The following GET1 variants were observed in gnomAD, a reference collection of about 807,000 sequenced individuals.
GET1 encodes the protein congenital heart disease 5 protein.
A neutral mutation model predicts 22.6 loss-of-function variants in GET1; 20 were observed. The observed-to-expected ratio is 0.89, with a 90% CI of 0.62 to 1.29. The LOEUF is 1.29. Among genes scored for constraint, GET1 ranks in the 50% most tolerant of loss-of-function variants. The pLI is 0.00. For missense variants in GET1, 209 were observed against 219.9 expected (o/e 0.95, Z 0.31); for synonymous variants, 92 against 83.8 (o/e 1.10, Z -0.53).
chr21:39,391,633 T>A (rs1195176334), intron 2 of GET1, 136 bp from the exon 3 acceptor site: 1 of 853,244 alleles, frequency 1.2e-6, no homozygotes, highest in Non-Finnish European at 1.8e-6. Flanking sequence ...TATTTTATAT[T>A]TTCTAAATAT....
chr21:39,413,033 G>A lies in GET1; in HGVS notation c.*23+2096G>A, dbSNP rs141769089. 1.5e-4 allele frequency among the ~76,000 whole-genome samples: 23 copies of A among 152,292 alleles called. No homozygotes were observed. In the East Asian group the frequency reaches 4.2e-3, roughly 28 times the overall value. On this transcript the variant is annotated intron_variant, in intron 1 of 1. Transcript: ENST00000478273. ...GATCAGATGGAGGATGCATCTCAGAGCATTTGCATCAACAGTCAGCAGGGG... is the reference window on the plus strand; with the variant it reads ...GATCAGATGGAGGATGCATCTCAGAACATTTGCATCAACAGTCAGCAGGGG...
chr21:39,398,288 A>G (rs1055183239), downstream of GET1, among the ~76,000 whole-genome samples: 1 of 152,210 alleles, frequency 6.6e-6, no homozygotes, highest in African/African-American at 2.4e-5. Context: ...CCAAGGGGGC[A>G]CGTGCCTAAC....
chr21:39,413,255 G>A (rs1011191514), intron 1 of GET1, among the ~76,000 whole-genome samples: 2 of 152,152 alleles, frequency 1.3e-5, no homozygotes, highest in African/African-American at 2.4e-5. Context: ...GTACACATAT[G>A]TTTTCTCTCA....
chr21:39,398,085 G>C (rs968583246), downstream of GET1, among the ~76,000 whole-genome samples: 4 of 152,174 alleles, frequency 2.6e-5, no homozygotes, highest in Non-Finnish European at 4.4e-5. Context: ...CCAGCACCAA[G>C]TTTACTTAGC....
At position 39,390,699 on chromosome 21, in the gene GET1, T is replaced by C; in HGVS notation, c.104T>C (p.Met35Thr). The change falls in exon 2 of 5, where the codon ATG becomes ACG. Residue 35 changes from methionine (M) to threonine (T), a missense_variant and splice_region_variant. Met to Thr is a moderately conservative substitution (Grantham distance 81). Coordinates refer to ENST00000649170, the MANE Select transcript of GET1 (RefSeq NM_004627.6). ...RILLPSFSSFMSRVLQKDAEQ... is the reference protein window; with the variant it reads ...RILLPSFSSFTSRVLQKDAEQ... ...GATCCCCGTTGTCCGCCCTGCCAGA[T>C]GTCCAGGGTGCTGCAGAAGGACGCG... is the stretch of plus-strand genomic sequence containing the variant. 1 of 1,614,062 alleles carries C rather than the reference T, an allele frequency of 6.2e-7. No individual in the cohort carries two copies.
chr21:39,390,553 G>A lies in GET1; in HGVS notation c.103-145G>A, dbSNP rs149291727. 142 of 1,045,376 alleles carry A rather than the reference G, an allele frequency of 1.4e-4. 1 individual carries two copies. In the African/African-American group the frequency reaches 1.7e-3, roughly 13 times the overall value. 64.8% of individuals were successfully genotyped at this position (1,045,376 alleles called of 1,614,324 possible). A position where few individuals can be genotyped will look rare whatever the true frequency, so the allele number is the denominator to read the frequency against. ...ATCAGTCCTGGGAACGTTCACGGCC[G>A]CAGTTTGCATTCAGTCCTGCAGGGA... On this transcript the variant is annotated intron_variant, in intron 1 of 4. Coordinates refer to ENST00000649170, the MANE Select transcript of GET1 (RefSeq NM_004627.6).
intron 1 of GET1, among the ~76,000 whole-genome samples, chr21:39,427,411 C>A (rs2074919754): frequency 6.6e-6 from 1 of 152,058 alleles, no homozygotes; most frequent in African/African-American, 2.4e-5. Flanking sequence ...GCCTGTAATC[C>A]CAGCACTTTG....
At chr21:39,406,250 T>C in exon 5 of GET1, 1 of 1,614,246 alleles carries the variant, frequency 6.2e-7, no homozygotes, top group South Asian at 1.1e-5. Context: ...CTGTACCTCA[T>C]GTTGCCGGCA....
At chr21:39,406,437 ATCT>A (rs762837680) in exon 5 of GET1, 6 of 1,614,062 alleles carry the variant, frequency 3.7e-6, no homozygotes, top group Non-Finnish European at 5.1e-6. Context: ...TTACTAGAAC[ATCT>A]TCTTGATTGC....
At chr21:39,400,875 G>T (rs185764438), downstream of GET1, among the ~76,000 whole-genome samples, 6 of 152,046 alleles carry the variant, frequency 3.9e-5, no homozygotes, top group Admixed American at 6.6e-5. Context: ...AAAGGGTAGG[G>T]TAATCATTCC....
At chr21:39,385,771 G>C (rs1401985824) in intron 1 of GET1, among the ~76,000 whole-genome samples, 2 of 152,096 alleles carry the variant, frequency 1.3e-5, no homozygotes, top group Non-Finnish European at 2.9e-5. Context: ...GACTCGCGCG[G>C]GGTCAAAGTC....
chr21:39,427,458 C>A (rs1242592347), intron 1 of GET1, among the ~76,000 whole-genome samples: 1 of 151,852 alleles, frequency 6.6e-6, no homozygotes, highest in East Asian at 1.9e-4. Flanking sequence ...GTCAGGAGAT[C>A]GAGACCATCC....
At chr21:39,409,828 A>C (rs1243082112), downstream of GET1, 1 of 562,020 alleles carries the variant, frequency 1.8e-6, no homozygotes, top group African/African-American at 1.9e-5. This position sits in a 1 kb window ranked among gnomAD's most constrained non-coding sequence, Gnocchi z 4.2. Context: ...TCTTGACCTC[A>C]GGTGATCTGC....
At chr21:39,406,237 T>C (rs1215561179) in exon 5 of GET1, 2 of 1,614,258 alleles carry the variant, frequency 1.2e-6, no homozygotes, top group South Asian at 1.1e-5. Flanking sequence ...GCCTGTACTA[T>C]GACTGTACCT....
At chr21:39,389,235 G>T (rs954314589) in intron 1 of GET1, among the ~76,000 whole-genome samples, 3 of 152,088 alleles carry the variant, frequency 2.0e-5, no homozygotes, top group African/African-American at 7.2e-5. Context: ...GCCTCCCAAA[G>T]TGCTGGGATT....
At chr21:39,423,426 G>T in intron 1 of GET1, 1 of 1,598,236 alleles carries the variant, frequency 6.3e-7, no homozygotes. Flanking sequence ...CAATCATATG[G>T]ATTTGAGAAT....
At chr21:39,382,545 G>T (rs984618038) in intron 1 of GET1, among the ~76,000 whole-genome samples, 2 of 152,140 alleles carry the variant, frequency 1.3e-5, no homozygotes, top group Non-Finnish European at 2.9e-5. Flanking sequence ...TTTTCACTCA[G>T]CATAATATCC....
At chr21:39,396,604 T>C (rs576635416) in intron 4 of GET1, among the ~76,000 whole-genome samples, 29 of 149,842 alleles carry the variant, frequency 1.9e-4, no homozygotes, top group African/African-American at 7.1e-4. Context: ...GGAGAATCGC[T>C]TGAGCCCGGG....
intron 4 of GET1, among the ~76,000 whole-genome samples, chr21:39,396,049 G>A (rs545642881): frequency 3.3e-5 from 5 of 152,288 alleles, no homozygotes; most frequent in Non-Finnish European, 5.9e-5. Context: ...AGGGTCCACC[G>A]TTCACTGCAA....
Sources: allele counts gnomAD v4.1 joint callset (sites outside exome capture counted in the v4.1 genomes callset), GRCh38; gene constraint gnomAD v4.1.1; non-coding constraint Gnocchi (gnomAD v3.1); transcripts MANE v1.5; gene names NCBI Gene and HGNC (gene_info 2026-07-23, HGNC 2026-07-21).